Variants in MICU1 observed in about 807,000 individuals in gnomAD.
MICU1 encodes calcium uptake protein 1, mitochondrial.
MICU1 carries 45 observed loss-of-function variants against 56.8 expected under a neutral mutation model. The ratio of observed to expected loss-of-function variants is 0.79; its 90% confidence interval spans 0.62 to 1.02. The LOEUF is 1.02. Ranked by LOEUF, MICU1 falls within the 50% of genes least tolerant of loss-of-function variation. The pLI is 0.00. For missense variants in MICU1, 504 were observed against 587.1 expected (o/e 0.86, Z 1.46); for synonymous variants, 186 against 195.1 (o/e 0.95, Z 0.39).
At chr10:72,623,944 A>C (rs1030335835) in intron 1 of MICU1, among the ~76,000 whole-genome samples, 1 of 152,264 alleles carries the variant, frequency 6.6e-6, no homozygotes, top group Middle Eastern at 3.4e-3. Context: ...AAAGGGATAC[A>C]CTAAACAACT....
chr10:72,512,633 T>C (rs1867508740), intron 5 of MICU1, among the ~76,000 whole-genome samples: 1 of 152,158 alleles, frequency 6.6e-6, no homozygotes, highest in Non-Finnish European at 1.5e-5. Flanking sequence ...TCTTTTGGTA[T>C]GTACTAAGGA....
At chr10:72,456,948 T>TGTGTGTGTGTGGGTGG (rs1476740822) in intron 8 of MICU1, among the ~76,000 whole-genome samples, 1 of 36,376 alleles carries the variant, frequency 2.7e-5, no homozygotes, top group African/African-American at 8.8e-5. Context: ...ATTGCCCAGG[T>TGTGTGTGTGTGGGTGG]GTGTGTGTGT....
chr10:72,413,596 T>C (rs745355956), intron 9 of MICU1, among the ~76,000 whole-genome samples: 18 of 152,096 alleles, frequency 1.2e-4, no homozygotes, highest in Non-Finnish European at 2.2e-4. Context: ...AGCCAGGCTG[T>C]GGTGGTGGGC....
At chr10:72,503,155 T>C (rs367933922) in intron 6 of MICU1, among the ~76,000 whole-genome samples, 2 of 152,254 alleles carry the variant, frequency 1.3e-5, no homozygotes, top group East Asian at 3.9e-4. Flanking sequence ...TATAAACTTA[T>C]AGGGTTGATT....
At chr10:72,528,129 A>C (rs1030945584) in intron 5 of MICU1, among the ~76,000 whole-genome samples, 1 of 152,172 alleles carries the variant, frequency 6.6e-6, no homozygotes, top group African/African-American at 2.4e-5. Flanking sequence ...CCTAGCCCAG[A>C]AATTTCACTT....
At chr10:72,516,117 T>C (rs1286239273) in intron 5 of MICU1, among the ~76,000 whole-genome samples, 2 of 152,232 alleles carry the variant, frequency 1.3e-5, no homozygotes, top group African/African-American at 2.4e-5. Flanking sequence ...CCTGACTTTT[T>C]AATGATTGCC....
intron 4 of MICU1, among the ~76,000 whole-genome samples, chr10:72,535,883 G>T (rs538512371): frequency 6.6e-6 from 1 of 152,196 alleles, no homozygotes; most frequent in South Asian, 2.1e-4. Flanking sequence ...AAGGTAGAAA[G>T]GAAGAAATTC....
At chr10:72,566,234 T>C (rs749301435) in intron 2 of MICU1, among the ~76,000 whole-genome samples, 37 of 151,988 alleles carry the variant, frequency 2.4e-4, no homozygotes, top group Non-Finnish European at 4.9e-4. Context: ...TTTGTAGAGA[T>C]GGGTTTTTGC....
intron 8 of MICU1, among the ~76,000 whole-genome samples, chr10:72,458,804 G>A (rs531872462): frequency 1.2e-4 from 18 of 150,556 alleles, no homozygotes; most frequent in Admixed American, 3.3e-4. Context: ...CAGACCTCCC[G>A]GACTCAATTG....
Position 72,589,859 on chromosome 10 carries a change from G to A in MICU1, c.-1-23065C>T, listed in dbSNP as rs151271539. On this transcript the variant is annotated intron_variant, in intron 1 of 11. Coordinates refer to ENST00000361114, the MANE Select transcript of MICU1 (RefSeq NM_001195518.2). Reference sequence around the variant, plus strand: ...GCTTTTGTAATTTTGGTTTATTAACGCCATATTTTGTTTCCTACACAATTT... The same window carrying A: ...GCTTTTGTAATTTTGGTTTATTAACACCATATTTTGTTTCCTACACAATTT... Among the ~76,000 whole-genome samples, 46 of 151,958 alleles carry A rather than the reference G, an allele frequency of 3.0e-4. 1 individual carries two copies. The East Asian group carries it at 8.1e-3, about 27-fold the overall frequency.
At chr10:72,571,874 T>C (rs1478879666) in intron 1 of MICU1, among the ~76,000 whole-genome samples, 1 of 151,748 alleles carries the variant, frequency 6.6e-6, no homozygotes, top group East Asian at 1.9e-4. Flanking sequence ...GGCAACATGG[T>C]AAAACCCCAC....
intron 5 of MICU1, among the ~76,000 whole-genome samples, chr10:72,515,035 A>T (rs959734878): frequency 6.6e-6 from 1 of 152,156 alleles, no homozygotes; most frequent in South Asian, 2.1e-4. Flanking sequence ...CAAGCCTCAA[A>T]GCTGATTCCT....
intron 6 of MICU1, among the ~76,000 whole-genome samples, chr10:72,492,827 T>TAAAATAAAATAAAATAAAAA (rs1564900086): frequency 1.3e-5 from 2 of 150,920 alleles, no homozygotes; most frequent in Non-Finnish European, 3.0e-5. Flanking sequence ...TAAAATAAAA[T>TAAAATAAAATAAAATAAAAA]GTATATGGGC....
chr10:72,556,925 C>A (rs1303592348), intron 3 of MICU1, among the ~76,000 whole-genome samples: 5 of 151,718 alleles, frequency 3.3e-5, no homozygotes, highest in African/African-American at 1.2e-4. Flanking sequence ...ATTAGCCAGG[C>A]GTAGTGTCGG....
chr10:72,560,797 G>T (rs571010343), intron 3 of MICU1, among the ~76,000 whole-genome samples: 4 of 151,998 alleles, frequency 2.6e-5, no homozygotes, highest in African/African-American at 9.7e-5. Flanking sequence ...TTGAATCCAG[G>T]AGGCAGAGGT....
intron 1 of MICU1, among the ~76,000 whole-genome samples, chr10:72,619,080 A>C (rs1842043338): frequency 6.6e-6 from 1 of 152,238 alleles, no homozygotes. Context: ...AATATATCAG[A>C]CTGATAAAGG....
intron 1 of MICU1, among the ~76,000 whole-genome samples, chr10:72,624,207 T>C (rs1288376430): frequency 6.6e-6 from 1 of 152,186 alleles, no homozygotes; most frequent in East Asian, 1.9e-4. Flanking sequence ...TTTGTTGTTG[T>C]TTTAAGAGAC....
At chr10:72,558,773 AT>A (rs1255126093) in intron 3 of MICU1, among the ~76,000 whole-genome samples, 2 of 152,160 alleles carry the variant, frequency 1.3e-5, no homozygotes, top group Non-Finnish European at 2.9e-5. Context: ...AAACAAACAA[AT>A]TAAAACAAAA....
intron 11 of MICU1, among the ~76,000 whole-genome samples, chr10:72,370,234 TAGC>T (rs1019248661): frequency 6.6e-6 from 1 of 152,064 alleles, no homozygotes; most frequent in African/African-American, 2.4e-5. Flanking sequence ...ACCACTGTAA[TAGC>T]AGAGGTACAG....
Sources: allele counts gnomAD v4.1 joint callset (sites outside exome capture counted in the v4.1 genomes callset), GRCh38; gene constraint gnomAD v4.1.1; transcripts MANE v1.5; gene names NCBI Gene and HGNC (gene_info 2026-07-23, HGNC 2026-07-21).